The following SLC16A2 variants were observed in gnomAD, a reference collection of about 807,000 sequenced individuals.
The protein encoded by SLC16A2 is solute carrier family 16 member 2.
Under a neutral mutation model 27.2 loss-of-function variants are expected in SLC16A2, and 3 were observed. That is an observed-to-expected ratio of 0.11 (90% CI 0.05 to 0.28). The LOEUF (loss-of-function observed/expected upper bound fraction) is 0.28, where lower values mean the gene tolerates loss of function less well. SLC16A2 is among the 10% of genes least tolerant of loss of function. The pLI, the probability that SLC16A2 is intolerant of heterozygous loss-of-function variation, is 1.00. For missense variants in SLC16A2, 295 were observed against 458.5 expected (o/e 0.64, Z 3.26); for synonymous variants, 202 against 187.8 (o/e 1.08, Z -0.62).
At chrX:74,480,188 G>T (rs1312178551) in intron 1 of SLC16A2, among the ~76,000 whole-genome samples, 1 of 112,010 alleles carries the variant, frequency 8.9e-6, no homozygotes, top group African/African-American at 3.2e-5. Context: ...AATGTTGGGC[G>T]TCCCTCCCAC....
chrX:74,481,086 G>T (rs975735905), intron 1 of SLC16A2, among the ~76,000 whole-genome samples: 1 of 111,956 alleles, frequency 8.9e-6, no homozygotes. Flanking sequence ...AACCCCATTT[G>T]GTCATGATTT....
intron 1 of SLC16A2, among the ~76,000 whole-genome samples, chrX:74,490,849 A>G (rs1929814239): frequency 8.9e-6 from 1 of 112,379 alleles, no homozygotes; most frequent in Admixed American, 9.4e-5. Flanking sequence ...ATTCTTTAAA[A>G]TGCACGTCTG....
intron 1 of SLC16A2, among the ~76,000 whole-genome samples, chrX:74,442,417 C>T (rs1928769167): frequency 9.0e-6 from 1 of 110,549 alleles, no homozygotes; most frequent in South Asian, 3.9e-4. Flanking sequence ...GCTTGAACCT[C>T]TGTTTGGGCT....
chrX:74,497,826 C>G (rs1929962839), intron 1 of SLC16A2, among the ~76,000 whole-genome samples: 2 of 99,413 alleles, frequency 2.0e-5, no homozygotes, highest in African/African-American at 7.6e-5. Flanking sequence ...ATCCTTGCTG[C>G]TCTTCTCCTA....
At chrX:74,484,715 AT>A (rs749061506) in intron 1 of SLC16A2, among the ~76,000 whole-genome samples, 1 of 111,669 alleles carries the variant, frequency 9.0e-6, no homozygotes, top group African/African-American at 3.3e-5. Context: ...TTTGGCCAAG[AT>A]TTGGCACAGG....
At chrX:74,473,901 A>G in intron 1 of SLC16A2, 2 of 453,193 alleles carry the variant, frequency 4.4e-6, no homozygotes, top group South Asian at 6.9e-5. Flanking sequence ...CAACCCTTCA[A>G]TGAAGAGCTT....
intron 1 of SLC16A2, among the ~76,000 whole-genome samples, chrX:74,474,931 A>T (rs1440475810): frequency 9.0e-6 from 1 of 110,990 alleles, no homozygotes; most frequent in Non-Finnish European, 1.9e-5. Context: ...ATAGTGCCGC[A>T]ATAACCATAC....
At chrX:74,492,235 TA>T (rs1331724210) in intron 1 of SLC16A2, among the ~76,000 whole-genome samples, 39 of 111,311 alleles carry the variant, frequency 3.5e-4, no homozygotes, top group African/African-American at 1.3e-3. Flanking sequence ...AGAGAGAGGC[TA>T]TAGCTCTCTA....
chrX:74,474,789 T>C (rs1418910973), intron 1 of SLC16A2, among the ~76,000 whole-genome samples: 2 of 110,787 alleles, frequency 1.8e-5, no homozygotes, highest in African/African-American at 3.3e-5. Flanking sequence ...TTCATCCATG[T>C]CCCTACAAAG....
At chrX:74,524,269 G>C in intron 2 of SLC16A2, 90 bp from the exon 3 acceptor site, 1 of 966,846 alleles carries the variant, frequency 1.0e-6, no homozygotes, top group Non-Finnish European at 1.5e-6. Context: ...GTTAAGGGCG[G>C]AGGAATGGAA....
chrX:74,524,597 G>C lies in SLC16A2; in HGVS notation c.814G>C (p.Val272Leu), dbSNP rs1362271039. 8.3e-7 allele frequency: 1 copy of C among 1,209,300 alleles called. No individual in the cohort carries two copies. Among genetic ancestry groups the C allele is most frequent in the Non-Finnish European group, 1.1e-6 (1 of 895,132 alleles). ...CCAGGTGCTGAGTACCTTCATGTTT[G>C]TTCTTATGCTGCTTTCACTCACCTA... ...TFQVLSTFMFVLMLLSLTYRP... is the reference protein window; with the variant it reads ...TFQVLSTFMFLLMLLSLTYRP... Residue 272 changes from valine to leucine, a missense_variant, in exon 3 of 6, where the codon GTT becomes CTT. Transcript: ENST00000587091.
chrX:74,425,921 A>C (rs958078417), intron 1 of SLC16A2, among the ~76,000 whole-genome samples: 1 of 111,960 alleles, frequency 8.9e-6, no homozygotes, highest in Non-Finnish European at 1.9e-5. Context: ...CACCAGAGAA[A>C]GGGACAATGG....
intron 1 of SLC16A2, among the ~76,000 whole-genome samples, chrX:74,452,022 A>G (rs758656293): frequency 2.7e-5 from 3 of 112,898 alleles, no homozygotes; most frequent in South Asian, 7.3e-4. Flanking sequence ...ACTGTCCGCT[A>G]TCAGAGCACA....
intron 1 of SLC16A2, among the ~76,000 whole-genome samples, chrX:74,450,513 C>T (rs1012777488): frequency 1.8e-5 from 2 of 111,364 alleles, no homozygotes; most frequent in Non-Finnish European, 3.8e-5. Context: ...TACCACTTGC[C>T]GCCACCACCC....
At chrX:74,494,136 T>C (rs1202058995) in intron 1 of SLC16A2, among the ~76,000 whole-genome samples, 4 of 112,507 alleles carry the variant, frequency 3.6e-5, no homozygotes, top group East Asian at 5.6e-4. Context: ...TCGGCAATAC[T>C]GCTGGTGCTC....
chrX:74,484,335 C>T (rs1160468509), intron 1 of SLC16A2, among the ~76,000 whole-genome samples: 1 of 111,614 alleles, frequency 9.0e-6, no homozygotes, highest in African/African-American at 3.3e-5. Flanking sequence ...GTTGGGGCTT[C>T]CAGGCTATAG....
chrX:74,484,689 T>C (rs950892075), intron 1 of SLC16A2, among the ~76,000 whole-genome samples: 1 of 111,706 alleles, frequency 9.0e-6, no homozygotes, highest in African/African-American at 3.3e-5. Flanking sequence ...TTACTTTTGG[T>C]TTACATTTTC....
intron 1 of SLC16A2, among the ~76,000 whole-genome samples, chrX:74,467,847 C>G (rs1305559052): frequency 9.0e-6 from 1 of 111,138 alleles, no homozygotes; most frequent in Non-Finnish European, 1.9e-5. Flanking sequence ...GATCCAAACT[C>G]CTGGCCATGC....
chrX:74,508,818 C>T (rs914053114), intron 1 of SLC16A2, among the ~76,000 whole-genome samples: 2 of 111,745 alleles, frequency 1.8e-5, no homozygotes, highest in Admixed American at 9.5e-5. Flanking sequence ...GTATTAAGCC[C>T]AGTACCCAGT....
Sources: gnomAD v4.1 joint callset for allele counts (sites outside exome capture counted in the v4.1 genomes callset) on GRCh38, gnomAD v4.1.1 for gene constraint, MANE v1.5 for transcripts, NCBI Gene and HGNC (gene_info 2026-07-23, HGNC 2026-07-21) for gene names.